GALNT18: variants seen among roughly 807,000 people sequenced by gnomAD.
GALNT18 encodes polypeptide N-acetylgalactosaminyltransferase 18, also known as GalNAc-transferase 18.
Under a neutral mutation model 69.5 loss-of-function variants are expected in GALNT18, and 44 were observed. The ratio of observed to expected loss-of-function variants is 0.63; its 90% CI spans 0.50 to 0.81. GALNT18 has a LOEUF of 0.81. Ranked by LOEUF, GALNT18 falls within the 40% of genes least tolerant of loss-of-function variation. The pLI is 0.00. For synonymous variants in GALNT18, 364 were observed against 318.2 expected (o/e 1.14, Z -1.53); for missense variants, 715 against 810.0 (o/e 0.88, Z 1.42).
At chr11:11,342,309 G>C (rs575721715) in intron 6 of GALNT18, among the ~76,000 whole-genome samples, 2 of 152,230 alleles carry the variant, frequency 1.3e-5, no homozygotes, top group South Asian at 4.1e-4. Flanking sequence ...GGTTAGAGCT[G>C]ATGAATGTGG....
intron 1 of GALNT18, among the ~76,000 whole-genome samples, chr11:11,560,580 G>A (rs1477771459): frequency 6.6e-6 from 1 of 152,186 alleles, no homozygotes; most frequent in Non-Finnish European, 1.5e-5. Context: ...AAGGAGTTCA[G>A]CTGGAAGGGC....
At chr11:11,551,260 G>C (rs1049189457) in intron 1 of GALNT18, among the ~76,000 whole-genome samples, 56 of 152,152 alleles carry the variant, frequency 3.7e-4, no homozygotes, top group Admixed American at 3.3e-4. Flanking sequence ...ATTTATATGT[G>C]GGCCAAACCT....
chr11:11,611,718 C>T (rs1283734276), intron 1 of GALNT18, among the ~76,000 whole-genome samples: 2 of 152,162 alleles, frequency 1.3e-5, no homozygotes, highest in African/African-American at 4.8e-5. Flanking sequence ...CAGCCCGGTG[C>T]CTGGGACATT....
intron 3 of GALNT18, among the ~76,000 whole-genome samples, chr11:11,391,774 T>G (rs1220622315): frequency 6.6e-6 from 1 of 152,198 alleles, no homozygotes; most frequent in Non-Finnish European, 1.5e-5. Flanking sequence ...ATCCAGTCTG[T>G]CCTGTGCAAG....
At chr11:11,361,308 C>G (rs980346181) in intron 6 of GALNT18, among the ~76,000 whole-genome samples, 1 of 152,216 alleles carries the variant, frequency 6.6e-6, no homozygotes, top group African/African-American at 2.4e-5. Flanking sequence ...ATCTTTACCA[C>G]TTACCAGTCA....
chr11:11,329,480 C>T (rs956288381), intron 8 of GALNT18, among the ~76,000 whole-genome samples: 1 of 152,230 alleles, frequency 6.6e-6, no homozygotes, highest in Non-Finnish European at 1.5e-5. Flanking sequence ...TTCCCCATAT[C>T]GCCCTTGGTC....
chr11:11,537,378 T>C (rs1420870717), intron 1 of GALNT18, among the ~76,000 whole-genome samples: 1 of 152,124 alleles, frequency 6.6e-6, no homozygotes, highest in African/African-American at 2.4e-5. Context: ...AAAAAAATCC[T>C]TTAACCATAA....
At chr11:11,488,185 T>A (rs1856684273) in intron 1 of GALNT18, among the ~76,000 whole-genome samples, 1 of 152,222 alleles carries the variant, frequency 6.6e-6, no homozygotes, top group Admixed American at 6.5e-5. Flanking sequence ...ATTTTTCAGT[T>A]CTCAGGTTAA....
At chr11:11,293,613 T>G (rs1849347317) in intron 9 of GALNT18, among the ~76,000 whole-genome samples, 1 of 139,244 alleles carries the variant, frequency 7.2e-6, no homozygotes, top group Non-Finnish European at 1.5e-5. Flanking sequence ...CTATTTCGGC[T>G]CACTGCAACC....
rs1485631874 is a variant in GALNT18 at position 11,436,601 on chromosome 11, A to G, written c.429-3814T>C. Among the ~76,000 whole-genome samples the G allele has an allele frequency of 6.6e-6, 1 of 152,166 alleles. No individual in the cohort carries two copies. Among genetic ancestry groups the G allele is most frequent in the Non-Finnish European group, 1.5e-5 (1 of 68,036 alleles). ...GTGTTTGTTGAATAAATTCCCTTTCAGTTTCCACAAAACACACGTTCATGC... is the reference window on the plus strand; with the variant it reads ...GTGTTTGTTGAATAAATTCCCTTTCGGTTTCCACAAAACACACGTTCATGC... On this transcript the variant is annotated intron_variant, in intron 2 of 10. Coordinates refer to ENST00000227756, the MANE Select transcript of GALNT18 (RefSeq NM_198516.3). This position sits in a 1 kb window ranked among gnomAD's most constrained non-coding sequence, Gnocchi z 4.5.
rs1334482140 is a variant in GALNT18, at chr11:11,405,896, G to T, written c.596-26632C>A. 2.0e-5 allele frequency among the ~76,000 whole-genome samples: 3 copies of T among 152,212 alleles called. No individual in the cohort carries two copies. The East Asian group carries it at 5.8e-4, about 29-fold the overall frequency. On this transcript the variant is annotated intron_variant, in intron 3 of 10. Transcript: ENST00000227756. ...CTGCATGTCTTTCTTGCTGCAGGCA[G>T]CCTTACTGCTGCACTAGTCCTAATT...
intron 3 of GALNT18, among the ~76,000 whole-genome samples, chr11:11,386,777 T>C (rs949414260): frequency 2.6e-5 from 4 of 152,162 alleles, no homozygotes; most frequent in Non-Finnish European, 5.9e-5. Context: ...AGGTAGCAAG[T>C]GGTGAAGATA....
chr11:11,610,724 T>C (rs1261430248), intron 1 of GALNT18, among the ~76,000 whole-genome samples: 1 of 152,214 alleles, frequency 6.6e-6, no homozygotes, highest in Non-Finnish European at 1.5e-5. Flanking sequence ...TAGAAACTAA[T>C]GCAAATCAGA....
intron 9 of GALNT18, among the ~76,000 whole-genome samples, chr11:11,295,954 T>C (rs1209160223): frequency 6.6e-6 from 1 of 152,094 alleles, no homozygotes; most frequent in African/African-American, 2.4e-5. Flanking sequence ...GACTGTCCAT[T>C]GTGTGGCCTG....
Position 11,354,555 on chromosome 11 carries a change from G to A in GALNT18, c.1093-13551C>T, listed in dbSNP as rs185047645. Among the ~76,000 whole-genome samples the A allele has an allele frequency of 2.6e-5, 4 of 152,292 alleles. No individual in the cohort carries two copies. In the East Asian group the frequency reaches 7.7e-4, roughly 29 times the overall value. The stretch of plus-strand genomic sequence containing the variant: ...GATAAATTCCAAAGATAGTTGCTGT[G>A]AGAATTAAATGAAGTAATACACAGA... On this transcript the variant is annotated intron_variant, in intron 6 of 10. Coordinates refer to ENST00000227756, the MANE Select transcript of GALNT18 (RefSeq NM_198516.3).
intron 1 of GALNT18, among the ~76,000 whole-genome samples, chr11:11,484,383 G>A (rs1368538493): frequency 2.0e-5 from 3 of 151,804 alleles, no homozygotes; most frequent in Non-Finnish European, 4.4e-5. Context: ...ACCTGAGGTC[G>A]GGAGTTTGAG....
At position 11,271,137 on chromosome 11, in the gene GALNT18, C is replaced by T. The variant is rs778877364; in HGVS notation, c.*7G>A. ...GCAAAGAGGCAGCCGGAAGTGGCCC[C>T]GGTGGGTCAGGACGCGAGGCTCCTC... On this transcript the variant is annotated 3_prime_UTR_variant, in exon 11 of 11. Transcript: ENST00000227756. 118 of 1,605,842 alleles carry T rather than the reference C, an allele frequency of 7.3e-5. 1 individual carries two copies. Among genetic ancestry groups the T allele is most frequent in the South Asian group, 2.9e-4 (26 of 90,828 alleles).
intron 9 of GALNT18, among the ~76,000 whole-genome samples, chr11:11,304,251 A>G (rs4910307): frequency 0.51 from 77,731 of 151,866 alleles, 20,134 homozygotes; most frequent in Admixed American, 0.66. Flanking sequence ...AAAAGGAATC[A>G]CCCCAGGTTT....
chr11:11,398,948 C>G (rs1166135532), intron 3 of GALNT18, among the ~76,000 whole-genome samples: 1 of 152,120 alleles, frequency 6.6e-6, no homozygotes, highest in East Asian at 1.9e-4. Flanking sequence ...ATAGCAGGTG[C>G]ACAGGAGTGA....
Sources: gnomAD v4.1 joint callset for allele counts (sites outside exome capture counted in the v4.1 genomes callset) on GRCh38, gnomAD v4.1.1 for gene constraint, Gnocchi (gnomAD v3.1) non-coding constraint, MANE v1.5 for transcripts, NCBI Gene and HGNC (gene_info 2026-07-23, HGNC 2026-07-21) for gene names.